TRAPPC12: variants seen among roughly 807,000 people sequenced by gnomAD.
TRAPPC12 encodes trafficking protein particle complex subunit 12.
In TRAPPC12, 61 loss-of-function variants were observed where a neutral mutation model predicts 69.2. The observed-to-expected ratio is 0.88, with a 90% CI of 0.72 to 1.09. TRAPPC12 has a LOEUF of 1.09. Ranked by LOEUF, TRAPPC12 falls within the 50% of genes least tolerant of loss-of-function variation. The probability of loss-of-function intolerance (pLI) is 0.00; values close to 1 mark genes in which losing one functional copy is unlikely to be tolerated. For missense variants in TRAPPC12, 1,101 were observed against 1,016.4 expected, an observed-to-expected ratio of 1.08 and a Z score of -1.13; for synonymous variants, 469 against 438.9, an observed-to-expected ratio of 1.07 and a Z score of -0.86.
intron 3 of TRAPPC12, among the ~76,000 whole-genome samples, chr2:3,412,724 C>G (rs139896748): frequency 6.6e-6 from 1 of 152,164 alleles, no homozygotes; most frequent in South Asian, 2.1e-4. Flanking sequence ...TCATCTCCAA[C>G]TCCAGGGTGG....
rs1290718432 is a variant in TRAPPC12, at chr2:3,448,022, C to T, written c.1530+4131C>T. On this transcript the variant is annotated intron_variant, in intron 6 of 11. Coordinates refer to ENST00000324266, the MANE Select transcript of TRAPPC12 (RefSeq NM_016030.6). Reference sequence around the variant, plus strand: ...CACACACACAGCTCTGCTCAGGACACGTGCTGTGTGTCCCAGCACTGAGGT... The same window carrying T: ...CACACACACAGCTCTGCTCAGGACATGTGCTGTGTGTCCCAGCACTGAGGT... Among the ~76,000 whole-genome samples, 7 of 152,240 alleles carry T rather than the reference C, an allele frequency of 4.6e-5. No homozygotes were observed. In the South Asian group the frequency reaches 8.3e-4, roughly 18 times the overall value.
chr2:3,389,590 G>A, intron 2 of TRAPPC12: 1 of 454,862 alleles, frequency 2.2e-6, no homozygotes, highest in Admixed American at 2.4e-5. Context: ...TCTGCTGCCG[G>A]ACTAACGGGC....
chr2:3,475,752 C>T (rs1041867149), intron 9 of TRAPPC12, among the ~76,000 whole-genome samples: 2 of 152,174 alleles, frequency 1.3e-5, no homozygotes, highest in Non-Finnish European at 2.9e-5. Context: ...CCACAGTGTT[C>T]TGTGTTAGCT....
chr2:3,474,636 G>A (rs945726992), intron 9 of TRAPPC12, among the ~76,000 whole-genome samples: 4 of 152,196 alleles, frequency 2.6e-5, no homozygotes, highest in African/African-American at 7.2e-5. Flanking sequence ...GGGTTTCTGC[G>A]TTTATAAGTG....
intron 2 of TRAPPC12, among the ~76,000 whole-genome samples, chr2:3,395,802 T>C (rs1661097448): frequency 1.3e-5 from 2 of 151,408 alleles, no homozygotes; most frequent in African/African-American, 2.4e-5. Flanking sequence ...CAATCTCAGC[T>C]CACTCCAACC....
At chr2:3,434,223 C>T (rs1015541256) in intron 5 of TRAPPC12, among the ~76,000 whole-genome samples, 4 of 152,226 alleles carry the variant, frequency 2.6e-5, no homozygotes, top group South Asian at 2.1e-4. Context: ...TCCTGCGCAG[C>T]GCTAGGAGCT....
At chr2:3,428,154 G>A (rs1386055465) in intron 5 of TRAPPC12, among the ~76,000 whole-genome samples, 1 of 152,200 alleles carries the variant, frequency 6.6e-6, no homozygotes, top group East Asian at 1.9e-4. Context: ...AGGACGTTCA[G>A]TCAAGCCTAG....
chr2:3,435,457 A>G (rs1254675202), intron 5 of TRAPPC12, among the ~76,000 whole-genome samples: 1 of 152,224 alleles, frequency 6.6e-6, no homozygotes, highest in Non-Finnish European at 1.5e-5. Context: ...GATTTTATTC[A>G]ATATGTCCCC....
Position 3,421,965 on chromosome 2 carries a change from C to T in TRAPPC12, c.1249C>T (p.Leu417Phe). The T allele has an allele frequency of 1.2e-6, 2 of 1,613,304 alleles. No homozygotes were observed. Among genetic ancestry groups the T allele is most frequent in the Non-Finnish European group, 1.7e-6 (2 of 1,179,886 alleles). The change falls in exon 4 of 12, where the codon CTC (leucine) becomes TTC (phenylalanine). Residue 417 changes from leucine (L) to phenylalanine (F), a missense_variant. Coordinates refer to ENST00000324266, the MANE Select transcript of TRAPPC12 (RefSeq NM_016030.6). ...CCAGGGCTACGGCAAGAGCGGGCTG[C>T]TCACCAGCCACACGACAGATTCACT... is the stretch of plus-strand genomic sequence containing the variant. Reference protein sequence around the residue: ...HGQGYGKSGLLTSHTTDSLQL... With the variant: ...HGQGYGKSGLFTSHTTDSLQL...
chr2:3,435,430 G>A (rs943978245), intron 5 of TRAPPC12, among the ~76,000 whole-genome samples: 4 of 152,090 alleles, frequency 2.6e-5, no homozygotes, highest in African/African-American at 4.8e-5. Context: ...TGCTACATTA[G>A]CGCTAGTTTT....
Position 3,426,491 on chromosome 2 carries a change from G to A in TRAPPC12, c.1417+1828G>A, listed in dbSNP as rs113754417. Among the ~76,000 whole-genome samples the A allele has an allele frequency of 7.3e-4, 111 of 152,318 alleles. 2 individuals are homozygous for A. The highest frequency in any genetic ancestry group is 2.5e-3 in the African/African-American group (104 of 41,574). ...GGAGGAACAGACCAAAGCCAGGACC[G>A]CTTGAGGGTGCGTGTTCAGGAGCTC... On this transcript the variant is annotated intron_variant, in intron 5 of 11. Coordinates refer to ENST00000324266, the MANE Select transcript of TRAPPC12 (RefSeq NM_016030.6).
At chr2:3,381,431 A>G (rs894976506) in intron 1 of TRAPPC12, among the ~76,000 whole-genome samples, 2 of 152,240 alleles carry the variant, frequency 1.3e-5, no homozygotes, top group Non-Finnish European at 2.9e-5. Flanking sequence ...ATTTAAAAAA[A>G]TTTTAAACAA....
intron 3 of TRAPPC12, among the ~76,000 whole-genome samples, chr2:3,420,321 C>T (rs1662705852): frequency 6.6e-6 from 1 of 152,208 alleles, no homozygotes; most frequent in African/African-American, 2.4e-5. Context: ...AAGCTCAAGG[C>T]CCAGCACCCG....
chr2:3,463,143 G>T (rs1665601770), intron 8 of TRAPPC12: 3 of 309,958 alleles, frequency 9.7e-6, no homozygotes, highest in South Asian at 7.4e-5. Context: ...CTCTTGAGGA[G>T]CTTCTTTTGG....
intron 5 of TRAPPC12, among the ~76,000 whole-genome samples, chr2:3,438,673 T>C (rs891198223): frequency 6.6e-6 from 1 of 151,942 alleles, no homozygotes; most frequent in Non-Finnish European, 1.5e-5. Context: ...AAAGGTCTTA[T>C]AGTTGGAATC....
At chr2:3,457,016 C>T (rs977872466) in intron 6 of TRAPPC12, 17 of 447,624 alleles carry the variant, frequency 3.8e-5, no homozygotes, top group Middle Eastern at 7.1e-4. Context: ...CATTCACTGT[C>T]GCCCCACGCC....
rs759196204 is a variant in TRAPPC12 at position 3,479,347 on chromosome 2, C to T, written c.2094C>T (p.Thr698=). The change falls in exon 12 of 12, where the codon ACC becomes ACT. Residue 698 remains threonine (T), a synonymous_variant. Transcript: ENST00000324266. ...YLHESVLFNL[T]TMYELESSRS... Reference sequence around the variant, plus strand: ...ACGAGAGCGTGCTCTTCAACCTGACCACCATGTACGAGCTGGAGTCCTCAC... The same window carrying T: ...ACGAGAGCGTGCTCTTCAACCTGACTACCATGTACGAGCTGGAGTCCTCAC... The T allele has an allele frequency of 6.2e-7, 1 of 1,614,222 alleles. No homozygotes were observed.
intron 5 of TRAPPC12, among the ~76,000 whole-genome samples, chr2:3,430,525 C>T (rs1018257085): frequency 3.9e-5 from 6 of 152,148 alleles, no homozygotes; most frequent in Admixed American, 1.3e-4. Flanking sequence ...ATTGGGTTAT[C>T]TTTGTTATTA....
In TRAPPC12 at chr2:3,417,596, C is replaced by T. The variant is rs1013713240; in HGVS notation, c.1165-4285C>T. Among the ~76,000 whole-genome samples the T allele has an allele frequency of 3.9e-5, 6 of 152,148 alleles. 1 individual carries two copies. Among genetic ancestry groups the T allele is most frequent in the African/African-American group, 1.4e-4 (6 of 41,390 alleles). On this transcript the variant is annotated intron_variant, in intron 3 of 11. Coordinates refer to ENST00000324266, the MANE Select transcript of TRAPPC12 (RefSeq NM_016030.6). Reference sequence around the variant, plus strand: ...CCCTCTTCGTCGGCCTTGTGTCCCCCCGAGCCTAGCACAGTGCCTGGTTCA... The same window carrying T: ...CCCTCTTCGTCGGCCTTGTGTCCCCTCGAGCCTAGCACAGTGCCTGGTTCA...
Sources: allele counts gnomAD v4.1 joint callset (sites outside exome capture counted in the v4.1 genomes callset), GRCh38; gene constraint gnomAD v4.1.1; transcripts MANE v1.5; gene names NCBI Gene and HGNC (gene_info 2026-07-23, HGNC 2026-07-21).